Variants in CDH12 observed in about 807,000 individuals in gnomAD.
CDH12 encodes the protein cadherin 12.
Under a neutral mutation model 74.1 loss-of-function variants are expected in CDH12, and 41 were observed. The observed-to-expected ratio is 0.55, with a 90% CI of 0.43 to 0.72. CDH12 has a LOEUF of 0.72. Among genes scored for constraint, CDH12 ranks in the 30% least tolerant of loss-of-function variants. The pLI is 0.00. For missense variants in CDH12, 945 were observed against 977.2 expected (o/e 0.97, Z 0.44); for synonymous variants, 399 against 355.0 (o/e 1.12, Z -1.39).
At chr5:22,179,803 T>C (rs1749537498) in intron 4 of CDH12, among the ~76,000 whole-genome samples, 1 of 152,178 alleles carries the variant, frequency 6.6e-6, no homozygotes, top group African/African-American at 2.4e-5. Context: ...CCTATAGAGT[T>C]CTAAAGTTGA....
chr5:21,904,789 A>C (rs1258503610), intron 6 of CDH12, among the ~76,000 whole-genome samples: 3 of 151,944 alleles, frequency 2.0e-5, no homozygotes, highest in African/African-American at 7.3e-5. Context: ...AAAACAAACA[A>C]ACAAACAAAA....
rs9293010 is a variant in CDH12 at position 22,126,350 on chromosome 5, G to A, written c.-186-47488C>T. On this transcript the variant is annotated intron_variant, in intron 4 of 14. Coordinates refer to ENST00000382254, the MANE Select transcript of CDH12 (RefSeq NM_004061.5). ...TAAAAACTAATGTGCTCTGCTATGCGGCTCACTTTCTGCTATTAGATATTA... is the reference window on the plus strand; with the variant it reads ...TAAAAACTAATGTGCTCTGCTATGCAGCTCACTTTCTGCTATTAGATATTA... Among the ~76,000 whole-genome samples, 898 of 152,098 alleles carry A rather than the reference G, an allele frequency of 5.9e-3. 6 individuals carry two copies. The highest frequency in any genetic ancestry group is 0.018 in the African/African-American group (749 of 41,498).
At chr5:22,453,782 C>T (rs1338184624) in intron 2 of CDH12, among the ~76,000 whole-genome samples, 1 of 151,942 alleles carries the variant, frequency 6.6e-6, no homozygotes, top group African/African-American at 2.4e-5. Flanking sequence ...GATAGATATG[C>T]TAATTATTCT....
intron 1 of CDH12, among the ~76,000 whole-genome samples, chr5:22,610,960 T>C (rs552586893): frequency 1.2e-4 from 18 of 152,238 alleles, no homozygotes; most frequent in African/African-American, 4.3e-4. Context: ...AACATGACAC[T>C]GAATTCAAAC....
At chr5:21,982,662 T>A (rs1757360116) in intron 5 of CDH12, among the ~76,000 whole-genome samples, 1 of 151,890 alleles carries the variant, frequency 6.6e-6, no homozygotes, top group Non-Finnish European at 1.5e-5. Context: ...TATAGCTATA[T>A]CAACATCTAA....
At chr5:22,560,020 C>T (rs556656497) in intron 1 of CDH12, among the ~76,000 whole-genome samples, 1 of 152,062 alleles carries the variant, frequency 6.6e-6, no homozygotes, top group Non-Finnish European at 1.5e-5. Flanking sequence ...TCTGAAAGGA[C>T]CAATCAATTT....
chr5:22,720,433 A>T (rs1029531474), intron 1 of CDH12, among the ~76,000 whole-genome samples: 1 of 152,134 alleles, frequency 6.6e-6, no homozygotes, highest in Admixed American at 6.6e-5. Flanking sequence ...TTCTTTATAA[A>T]TTACCCTGTC....
chr5:22,669,194 A>C (rs1012679547), intron 1 of CDH12, among the ~76,000 whole-genome samples: 2 of 152,204 alleles, frequency 1.3e-5, no homozygotes, highest in Non-Finnish European at 2.9e-5. Context: ...GGGTCAAAAC[A>C]CAGTTAATTT....
chr5:22,252,183 A>C lies in CDH12; in HGVS notation c.-332-39540T>G, dbSNP rs1258880387. 2.0e-5 allele frequency among the ~76,000 whole-genome samples: 3 copies of C among 152,226 alleles called. No individual in the cohort carries two copies. In the East Asian group the frequency reaches 5.8e-4, roughly 29 times the overall value. ...TTCAGGAACAAAATGAAACAAAAAA[A>C]GAGATAAATACTACAGAAGGGATTA... On this transcript the variant is annotated intron_variant, in intron 3 of 14. Coordinates refer to ENST00000382254, the MANE Select transcript of CDH12 (RefSeq NM_004061.5).
intron 8 of CDH12, among the ~76,000 whole-genome samples, chr5:21,839,475 G>A (rs767809451): frequency 6.8e-4 from 103 of 152,128 alleles, no homozygotes; most frequent in Non-Finnish European, 1.3e-3. Flanking sequence ...GCTCAGTCAA[G>A]CCAATTAACA....
At chr5:22,193,011 C>T (rs1183829639) in intron 4 of CDH12, among the ~76,000 whole-genome samples, 2 of 151,998 alleles carry the variant, frequency 1.3e-5, no homozygotes, top group Non-Finnish European at 2.9e-5. Context: ...ATTTGTGATA[C>T]TGGAATGGAG....
At chr5:22,409,136 T>C (rs951554195) in intron 2 of CDH12, among the ~76,000 whole-genome samples, 1 of 152,144 alleles carries the variant, frequency 6.6e-6, no homozygotes, top group Non-Finnish European at 1.5e-5. Flanking sequence ...AAAAGTCTCA[T>C]ATGTAAGTTT....
At chr5:22,282,915 T>C (rs1292226736) in intron 3 of CDH12, among the ~76,000 whole-genome samples, 1 of 152,026 alleles carries the variant, frequency 6.6e-6, no homozygotes, top group Non-Finnish European at 1.5e-5. Flanking sequence ...TTATAAATCA[T>C]TCTACTATAA....
intron 6 of CDH12, among the ~76,000 whole-genome samples, chr5:21,899,497 G>A (rs539151817): frequency 6.6e-6 from 1 of 152,274 alleles, no homozygotes; most frequent in South Asian, 2.1e-4. Flanking sequence ...TTGTGCTTGG[G>A]ATAAAATCAA....
intron 1 of CDH12, among the ~76,000 whole-genome samples, chr5:22,850,227 T>G (rs934432642): frequency 1.3e-5 from 2 of 152,066 alleles, no homozygotes; most frequent in Non-Finnish European, 2.9e-5. Flanking sequence ...GTAACTACTA[T>G]TGATATTCAA....
At chr5:22,586,788 G>C (rs780090336) in intron 1 of CDH12, among the ~76,000 whole-genome samples, 27 of 150,780 alleles carry the variant, frequency 1.8e-4, no homozygotes, top group Non-Finnish European at 2.7e-4. Flanking sequence ...AGAATGCAAT[G>C]GTTTGAAGGT....
At chr5:22,732,465 TATATATACAC>T (rs1371327419) in intron 1 of CDH12, among the ~76,000 whole-genome samples, 1,643 of 96,416 alleles carry the variant, frequency 0.017, 26 homozygotes, top group African/African-American at 0.057. Context: ...TGTATATATA[TATATATACAC>T]ACACACACAC....
At chr5:22,264,919 G>A (rs1753652700) in intron 3 of CDH12, among the ~76,000 whole-genome samples, 1 of 152,142 alleles carries the variant, frequency 6.6e-6, no homozygotes, top group African/African-American at 2.4e-5. Context: ...ATTGTTTATG[G>A]CGAGACATTC....
At chr5:21,857,041 C>A (rs1161745739) in intron 6 of CDH12, among the ~76,000 whole-genome samples, 1 of 151,790 alleles carries the variant, frequency 6.6e-6, no homozygotes, top group Non-Finnish European at 1.5e-5. Context: ...TGTCACCAAA[C>A]TCATGCAAAA....
Sources: allele counts gnomAD v4.1 joint callset (sites outside exome capture counted in the v4.1 genomes callset), GRCh38; gene constraint gnomAD v4.1.1; transcripts MANE v1.5; gene names NCBI Gene and HGNC (gene_info 2026-07-23, HGNC 2026-07-21).